The following ACACB variants were observed in gnomAD, a reference collection of about 807,000 sequenced individuals.
ACACB encodes acetyl-CoA carboxylase beta.
ACACB carries 209 observed loss-of-function variants against 278.8 expected under a neutral mutation model. That is an observed-to-expected ratio of 0.75 (90% CI 0.67 to 0.84). The LOEUF (loss-of-function observed/expected upper bound fraction) is 0.84. Ranked by LOEUF, ACACB falls within the 40% of genes least tolerant of loss-of-function variation. The pLI is 0.00. For synonymous variants in ACACB, 1,174 were observed against 1,285.6 expected, an observed-to-expected ratio of 0.91 and a Z score of 1.86; for missense variants, 2,850 against 3,269.0, an observed-to-expected ratio of 0.87 and a Z score of 3.13.
Position 109,166,649 on chromosome 12 carries a change from C to CAA in ACACB, c.654-185_654-184dup, listed in dbSNP as rs869303420. Among the ~76,000 whole-genome samples, 54 of 25,088 alleles carry CAA rather than the reference C, an allele frequency of 2.2e-3. 10 individuals are homozygous for CAA. The highest frequency in any genetic ancestry group is 7.6e-3 in the African/African-American group (42 of 5,526). The allele number at this position is 25,088 out of a possible 152,430, so 16.5% of individuals were successfully genotyped here. A position where few individuals can be genotyped will look rare whatever the true frequency, so the allele number is the denominator to read the frequency against. Reference sequence around the variant, plus strand: ...TAGGTGACAGAATGAGATCCCGTCTCAAAAAAAAAAAAAAAAAAAAAAAAA... The same window carrying CAA: ...TAGGTGACAGAATGAGATCCCGTCTCAAAAAAAAAAAAAAAAAAAAAAAAAAA... On this transcript the variant is annotated intron_variant, in intron 2 of 52. Transcript: ENST00000338432.
At chr12:109,230,304 C>T (rs1277163918) in intron 28 of ACACB, among the ~76,000 whole-genome samples, 1 of 152,244 alleles carries the variant, frequency 6.6e-6, no homozygotes, top group Non-Finnish European at 1.5e-5. Context: ...TGACATTTTA[C>T]CCCATTGAGA....
chr12:109,211,342 C>CTTT (rs35008047), intron 21 of ACACB, among the ~76,000 whole-genome samples: 41 of 109,928 alleles, frequency 3.7e-4, no homozygotes, highest in Non-Finnish European at 3.6e-4. Flanking sequence ...TGTGATTCCT[C>CTTT]TTTTTTTTTT....
In ACACB at chr12:109,246,190, G is replaced by T. The variant is rs1316764213; in HGVS notation, c.5313G>T (p.Val1771=). ...RLPGGNEVGM[V]AFKMRFKTQE... ...CATCCCCTTGCCAGGTGGGCATGGTGGCCTTCAAAATGAGGTTTAAGACCC... is the reference window on the plus strand; with the variant it reads ...CATCCCCTTGCCAGGTGGGCATGGTTGCCTTCAAAATGAGGTTTAAGACCC... Residue 1771 remains valine, a synonymous_variant, in exon 39 of 53, where the codon GTG becomes GTT. Coordinates refer to ENST00000338432, the MANE Select transcript of ACACB (RefSeq NM_001093.4). The T allele has an allele frequency of 6.2e-7, 1 of 1,610,814 alleles. No homozygotes were observed. The highest frequency in any genetic ancestry group is 1.1e-5 in the South Asian group (1 of 90,970).
rs574078530 is a variant in ACACB at position 109,215,442 on chromosome 12, A to C, written c.3351-1176A>C. Among the ~76,000 whole-genome samples the C allele has an allele frequency of 1.3e-3, 198 of 152,208 alleles. 1 individual carries two copies. Among genetic ancestry groups the C allele is most frequent in the African/African-American group, 4.7e-3 (194 of 41,546 alleles). On this transcript the variant is annotated intron_variant, in intron 22 of 52. Coordinates refer to ENST00000338432, the MANE Select transcript of ACACB (RefSeq NM_001093.4). ...CAACTCCATATCCTTTGAAGGCCTC[A>C]GGATTAGAGGGTGCCTCTAGATACT...
rs189633126 is a variant in ACACB, at chr12:109,244,673, G to T, written c.5179-953G>T. ...GGGTTTCACTATGTTGGCCAGGCTG[G>T]TCTCAAACTCCCGGCCTCAGGTGAT... is the stretch of plus-strand genomic sequence containing the variant. On this transcript the variant is annotated intron_variant, in intron 37 of 52. Coordinates refer to ENST00000338432, the MANE Select transcript of ACACB (RefSeq NM_001093.4). Among the ~76,000 whole-genome samples, 431 of 152,062 alleles carry T rather than the reference G, an allele frequency of 2.8e-3. 3 individuals are homozygous for T. Among genetic ancestry groups the T allele is most frequent in the African/African-American group, 0.01 (415 of 41,470 alleles).
intron 2 of ACACB, among the ~76,000 whole-genome samples, chr12:109,164,026 C>T (rs1231746087): frequency 2.0e-5 from 3 of 152,140 alleles, no homozygotes; most frequent in Non-Finnish European, 4.4e-5. Flanking sequence ...TGTGCAGCCT[C>T]ATTGGTGGAA....
In ACACB at chr12:109,190,479, G is replaced by A. The variant is rs955593622; in HGVS notation, c.2145-1134G>A. Among the ~76,000 whole-genome samples the A allele has an allele frequency of 7.2e-5, 11 of 152,338 alleles. No individual in the cohort carries two copies. In the East Asian group the frequency reaches 1.4e-3, roughly 19 times the overall value. ...ATGGGGCCCACCAGGCCCCTGAGCC[G>A]GGTGACAGTGCCGTCCATCTGCAGG... is the stretch of plus-strand genomic sequence containing the variant. On this transcript the variant is annotated intron_variant, in intron 13 of 52. Transcript: ENST00000338432.
intron 7 of ACACB, among the ~76,000 whole-genome samples, chr12:109,174,563 A>G (rs2044222788): frequency 6.6e-6 from 1 of 151,562 alleles, no homozygotes; most frequent in African/African-American, 2.4e-5. Flanking sequence ...AAAAAAAAAA[A>G]AGACAGATCT....
In ACACB at chr12:109,206,871, G is replaced by A. The variant is rs750950782; in HGVS notation, c.3060+15G>A. ...TTAGCATAAAGGTAAAGTCACCTAT[G>A]AGCGCAGGCGTGTAGACCAGTGCGG... On this transcript the variant is annotated intron_variant, in intron 20 of 52. Transcript: ENST00000338432. 4.3e-6 allele frequency: 7 copies of A among 1,614,090 alleles called. No homozygotes were observed. Among genetic ancestry groups the A allele is most frequent in the South Asian group, 1.1e-5 (1 of 91,086 alleles).
intron 13 of ACACB, among the ~76,000 whole-genome samples, chr12:109,189,978 G>A (rs961090951): frequency 2.6e-5 from 4 of 152,126 alleles, no homozygotes; most frequent in Non-Finnish European, 5.9e-5. Flanking sequence ...GGGCATCCTG[G>A]TGGCCATCTG....
chr12:109,221,215 A>C (rs1343718339), intron 24 of ACACB, among the ~76,000 whole-genome samples: 3 of 152,214 alleles, frequency 2.0e-5, no homozygotes, highest in Non-Finnish European at 4.4e-5. Context: ...TTTTCTGATG[A>C]TAAAATCAGT....
chr12:109,141,496 C>T (rs550035003), intron 2 of ACACB, among the ~76,000 whole-genome samples: 299 of 152,302 alleles, frequency 2.0e-3, no homozygotes, highest in Non-Finnish European at 3.3e-3. Flanking sequence ...AAAAGAGCCA[C>T]CAACCAAAAC....
chr12:109,231,222 C>T (rs768201292), intron 28 of ACACB, among the ~76,000 whole-genome samples: 2 of 152,154 alleles, frequency 1.3e-5, no homozygotes, highest in African/African-American at 2.4e-5. Flanking sequence ...CATCCCCCTG[C>T]GATGGGGCTG....
intron 2 of ACACB, among the ~76,000 whole-genome samples, chr12:109,148,228 A>C (rs1381336599): frequency 1.3e-5 from 2 of 152,224 alleles, no homozygotes; most frequent in African/African-American, 4.8e-5. Flanking sequence ...TGAGAACATT[A>C]CATGATGTGG....
At position 109,139,732 on chromosome 12, in the gene ACACB, A is replaced by G. The variant is rs751354128; in HGVS notation, c.327A>G (p.Ala109=). Residue 109 remains alanine (A), a synonymous_variant, in exon 2 of 53, where the codon GCA becomes GCG. Transcript: ENST00000338432. ...PPRNPLSSSD[A]APSPELQANG... is the part of the protein sequence containing the mutation. ...GAAACCCCCTTTCTTCCAGTGACGC[A>G]GCACCCTCCCCAGAGCTTCAAGCCA... is the stretch of plus-strand genomic sequence containing the variant. 6.2e-7 allele frequency: 1 copy of G among 1,614,128 alleles called. No homozygotes were observed. Among genetic ancestry groups the G allele is most frequent in the Non-Finnish European group, 8.5e-7 (1 of 1,180,022 alleles).
chr12:109,266,650 G>A lies in ACACB; in HGVS notation c.*288G>A. The A allele has an allele frequency of 4.6e-6, 1 of 219,484 alleles. No homozygotes were observed. Among genetic ancestry groups the A allele is most frequent in the Non-Finnish European group, 8.8e-6 (1 of 113,102 alleles). 13.6% of individuals were successfully genotyped at this position (219,484 alleles called of 1,614,324 possible). On this transcript the variant is annotated 3_prime_UTR_variant, in exon 53 of 53. Transcript: ENST00000338432. ...AATCTAATCAAGCTAAAACATCCCT[G>A]TTTCCTTTTGCAAAACAGTGCCTGG... is the stretch of plus-strand genomic sequence containing the variant.
intron 29 of ACACB, 96 bp from the exon 30 acceptor site, chr12:109,233,652 G>C: frequency 1.0e-6 from 1 of 996,084 alleles, no homozygotes; most frequent in Non-Finnish European, 1.5e-6. Context: ...GGGAAATTGG[G>C]AGGGTCTGGC....
At chr12:109,222,659 C>T in intron 25 of ACACB, 39 bp downstream of exon 25, 2 of 1,568,142 alleles carry the variant, frequency 1.3e-6, no homozygotes, top group Admixed American at 1.7e-5. Context: ...TGTGCGTTTC[C>T]CCCCACCCTC....
intron 19 of ACACB, 39 bp downstream of exon 19, chr12:109,201,740 G>A (rs750197403): frequency 3.1e-6 from 5 of 1,605,482 alleles, no homozygotes; most frequent in Admixed American, 3.4e-5. Flanking sequence ...GGCTGGTGCA[G>A]GTGCACTCGT....
Sources: allele counts gnomAD v4.1 joint callset (sites outside exome capture counted in the v4.1 genomes callset), GRCh38; gene constraint gnomAD v4.1.1; transcripts MANE v1.5; gene names NCBI Gene and HGNC (gene_info 2026-07-23, HGNC 2026-07-21).